THSD7B: variants seen among roughly 807,000 people sequenced by gnomAD.
THSD7B encodes thrombospondin type 1 domain containing 7B.
In THSD7B, 138 loss-of-function variants were observed where a neutral mutation model predicts 213.6. The ratio of observed to expected loss-of-function variants is 0.65; its 90% confidence interval spans 0.56 to 0.74. The LOEUF is 0.74. THSD7B is among the 30% of genes least tolerant of loss of function. The pLI, the probability that THSD7B is intolerant of heterozygous loss-of-function variation, is 0.00. For synonymous variants in THSD7B, 742 were observed against 687.0 expected, an observed-to-expected ratio of 1.08 and a Z score of -1.25; for missense variants, 1,931 against 1,991.5, an observed-to-expected ratio of 0.97 and a Z score of 0.58.
intron 15 of THSD7B, among the ~76,000 whole-genome samples, chr2:137,493,290 C>A (rs1679477375): frequency 6.6e-6 from 1 of 151,966 alleles, no homozygotes; most frequent in African/African-American, 2.4e-5. Context: ...GAAGACGTTT[C>A]TTTATAGTTT....
chr2:136,854,817 C>T (rs1683153427), intron 1 of THSD7B, among the ~76,000 whole-genome samples: 1 of 151,952 alleles, frequency 6.6e-6, no homozygotes, highest in Admixed American at 6.6e-5. Flanking sequence ...GAAATCCAAC[C>T]ACAGAATCAT....
chr2:137,302,519 C>T (rs72852294), intron 12 of THSD7B, among the ~76,000 whole-genome samples: 14,723 of 151,972 alleles, frequency 0.097, 868 homozygotes, highest in Non-Finnish European at 0.13. Flanking sequence ...AAGAGCATGC[C>T]ATCGTGAGTT....
At chr2:137,509,906 A>T (rs1190318724) in intron 15 of THSD7B, among the ~76,000 whole-genome samples, 1 of 152,030 alleles carries the variant, frequency 6.6e-6, no homozygotes, top group Admixed American at 6.5e-5. Context: ...TCATTTCTTG[A>T]CGGCTATTTG....
chr2:137,468,581 G>GA (rs375883840), intron 15 of THSD7B, among the ~76,000 whole-genome samples: 21 of 123,414 alleles, frequency 1.7e-4, no homozygotes, highest in African/African-American at 6.0e-4. Context: ...AAAAAGAAAA[G>GA]AAAAAATAAA....
intron 1 of THSD7B, among the ~76,000 whole-genome samples, chr2:136,806,599 AG>A (rs1435076441): frequency 6.6e-6 from 1 of 152,232 alleles, no homozygotes; most frequent in Non-Finnish European, 1.5e-5. Flanking sequence ...ATGCGAAGAT[AG>A]TACAAAGAGT....
In THSD7B at chr2:137,546,374, A is replaced by T. The variant is rs575669540; in HGVS notation, c.3139-16847A>T. Among the ~76,000 whole-genome samples the T allele has an allele frequency of 8.0e-3, 399 of 49,690 alleles. 44 individuals carry two copies. The highest frequency in any genetic ancestry group is 0.035 in the African/African-American group (386 of 11,126). 32.6% of individuals were successfully genotyped at this position (49,690 alleles called of 152,430 possible). A position where few individuals can be genotyped will look rare whatever the true frequency, so the allele number is the denominator to read the frequency against. On this transcript the variant is annotated intron_variant, in intron 15 of 27. Transcript: ENST00000409968. Reference sequence around the variant, plus strand: ...GCATATATATATATTATATATATATATAATATATATATTATATATATTATA... The same window carrying T: ...GCATATATATATATTATATATATATTTAATATATATATTATATATATTATA...
At chr2:136,798,880 C>G (rs1461743955) in intron 1 of THSD7B, among the ~76,000 whole-genome samples, 1 of 152,014 alleles carries the variant, frequency 6.6e-6, no homozygotes, top group African/African-American at 2.4e-5. Flanking sequence ...GTTAGCAATG[C>G]TTTCTTTTTG....
intron 14 of THSD7B, among the ~76,000 whole-genome samples, chr2:137,438,086 C>A (rs1192686695): frequency 6.6e-6 from 1 of 152,114 alleles, no homozygotes; most frequent in African/African-American, 2.4e-5. Context: ...AAATGGCTAA[C>A]CTCTTGTTCC....
chr2:137,562,867 A>G (rs1328150900), intron 15 of THSD7B, among the ~76,000 whole-genome samples: 1 of 152,142 alleles, frequency 6.6e-6, no homozygotes, highest in Non-Finnish European at 1.5e-5. Flanking sequence ...ATCTGAGAAT[A>G]CAATATACCA....
chr2:137,042,429 A>T (rs187566374), intron 2 of THSD7B, among the ~76,000 whole-genome samples: 1 of 152,318 alleles, frequency 6.6e-6, no homozygotes, highest in Non-Finnish European at 1.5e-5. Flanking sequence ...AAACAGTTAC[A>T]CAGGGAAAGA....
chr2:136,840,465 G>T (rs1052267593), intron 1 of THSD7B, among the ~76,000 whole-genome samples: 2 of 152,178 alleles, frequency 1.3e-5, no homozygotes, highest in Non-Finnish European at 2.9e-5. Context: ...TTCCCACTGA[G>T]TTGGAAGTTG....
intron 2 of THSD7B, among the ~76,000 whole-genome samples, chr2:137,052,747 G>T (rs1267346133): frequency 6.6e-6 from 1 of 151,960 alleles, no homozygotes; most frequent in African/African-American, 2.4e-5. Flanking sequence ...ACCCCTTAGG[G>T]CTGTGTGATT....
chr2:137,080,281 A>T (rs976323539), intron 3 of THSD7B, among the ~76,000 whole-genome samples: 6 of 151,062 alleles, frequency 4.0e-5, no homozygotes, highest in Admixed American at 4.0e-4. Flanking sequence ...GCTCACTGCA[A>T]CCTCTGCCTC....
intron 2 of THSD7B, among the ~76,000 whole-genome samples, chr2:136,889,979 T>G (rs1485546180): frequency 6.6e-6 from 1 of 152,222 alleles, no homozygotes; most frequent in Admixed American, 6.5e-5. Context: ...AGGGTCTTTG[T>G]GCTTGTCATA....
chr2:136,835,652 T>C (rs2104951057), intron 1 of THSD7B, among the ~76,000 whole-genome samples: 1 of 152,346 alleles, frequency 6.6e-6, no homozygotes, highest in African/African-American at 2.4e-5. Context: ...CCCTTTGTTT[T>C]AGCATCTTCA....
intron 14 of THSD7B, among the ~76,000 whole-genome samples, chr2:137,440,654 G>A (rs1387188741): frequency 1.3e-5 from 2 of 151,956 alleles, no homozygotes; most frequent in Non-Finnish European, 2.9e-5. Flanking sequence ...GCATTTTCAA[G>A]GGAAGTCAGA....
rs150657202 is a variant in THSD7B at position 137,616,261 on chromosome 2, G to A, written c.3510G>A (p.Gln1170=). Reference sequence around the variant, plus strand: ...CAAGGACTTGTGCTGAAGACTCACAGGTGCAGCCTTGCCTCCTGAATGAAA... The same window carrying A: ...CAAGGACTTGTGCTGAAGACTCACAAGTGCAGCCTTGCCTCCTGAATGAAA... ...LNSRTCAEDS[Q]VQPCLLNENC... The change falls in exon 18 of 28, where the codon CAG becomes CAA. Residue 1170 remains glutamine, a synonymous_variant. Coordinates refer to ENST00000409968, the MANE Select transcript of THSD7B (RefSeq NM_001316349.2). 18 of 1,613,712 alleles carry A rather than the reference G, an allele frequency of 1.1e-5. No individual in the cohort carries two copies. The highest frequency in any genetic ancestry group is 3.3e-5 in the South Asian group (3 of 91,064).
chr2:137,334,167 TCTTTCTCTC>T (rs1684582530), intron 12 of THSD7B, among the ~76,000 whole-genome samples: 1 of 54,004 alleles, frequency 1.9e-5, no homozygotes, highest in Admixed American at 2.0e-4. Context: ...TTTCTTTCTC[TCTTTCTCTC>T]TCTCTCTCTC....
intron 1 of THSD7B, among the ~76,000 whole-genome samples, chr2:136,824,006 A>G (rs116116576): frequency 6.6e-6 from 1 of 152,162 alleles, no homozygotes; most frequent in Non-Finnish European, 1.5e-5. Flanking sequence ...TGTACTAAAC[A>G]TTTTGCATCC....
Sources: gnomAD v4.1 joint callset for allele counts (sites outside exome capture counted in the v4.1 genomes callset) on GRCh38, gnomAD v4.1.1 for gene constraint, MANE v1.5 for transcripts, NCBI Gene and HGNC (gene_info 2026-07-23, HGNC 2026-07-21) for gene names.